Variants in RGSL1 observed in about 807,000 individuals in gnomAD.
The protein encoded by RGSL1 is regulator of G protein signaling like 1, also known as regulator of G protein signaling protein-like.
A neutral mutation model predicts 124.7 loss-of-function variants in RGSL1; 97 were observed. The observed-to-expected ratio is 0.78, with a 90% CI of 0.66 to 0.92. The LOEUF (loss-of-function observed/expected upper bound fraction) is 0.92. Ranked by LOEUF, RGSL1 falls within the 40% of genes least tolerant of loss-of-function variation. RGSL1 has a pLI of 0.00. For synonymous variants in RGSL1, 424 were observed against 438.1 expected, an observed-to-expected ratio of 0.97 and a Z score of 0.40; for missense variants, 1,233 against 1,288.4, an observed-to-expected ratio of 0.96 and a Z score of 0.66.
intron 18 of RGSL1, among the ~76,000 whole-genome samples, chr1:182,551,635 A>G (rs1278209423): frequency 2.0e-5 from 3 of 152,242 alleles, no homozygotes; most frequent in Non-Finnish European, 4.4e-5. Flanking sequence ...TTATACATAT[A>G]TAATTTTTAT....
At chr1:182,557,397 A>G (rs74128954) in intron 21 of RGSL1, among the ~76,000 whole-genome samples, 157 of 152,356 alleles carry the variant, frequency 1.0e-3, no homozygotes, top group African/African-American at 3.4e-3. Flanking sequence ...GGTAACAGGG[A>G]AGCATTTCAT....
At chr1:182,463,532 T>G (rs1653026053) in intron 4 of RGSL1, among the ~76,000 whole-genome samples, 1 of 152,090 alleles carries the variant, frequency 6.6e-6, no homozygotes, top group Non-Finnish European at 1.5e-5. Flanking sequence ...AAAATAGACT[T>G]TATTTAATTT....
chr1:182,459,651 G>A (rs1394408856), intron 3 of RGSL1, among the ~76,000 whole-genome samples: 2 of 152,210 alleles, frequency 1.3e-5, no homozygotes, highest in Non-Finnish European at 2.9e-5. Flanking sequence ...GTTGAATAGA[G>A]TTATGATCTG....
intron 3 of RGSL1, 96 bp from the exon 4 acceptor site, chr1:182,459,908 C>A (rs945350049): frequency 7.1e-7 from 1 of 1,412,198 alleles, no homozygotes; most frequent in Non-Finnish European, 9.5e-7. Context: ...CCAGACACTG[C>A]AAGTGTGAGG....
chr1:182,484,073 G>A (rs1486639949), intron 6 of RGSL1, among the ~76,000 whole-genome samples: 1 of 152,112 alleles, frequency 6.6e-6, no homozygotes, highest in Non-Finnish European at 1.5e-5. Context: ...GAAGCCAGGC[G>A]CAGTGGCACC....
In RGSL1 at chr1:182,453,992, A is replaced by G. The variant is rs1324772871; in HGVS notation, c.48A>G (p.Leu16=). The part of the protein sequence containing the change: ...IIGSTNLIIL[L]EDEVFADFFN... ...GTTCTACAAATCTTATAATTCTGCT[A>G]GAGGATGAAGTCTTTGCCGATTTTT... is the stretch of plus-strand genomic sequence containing the variant. The change falls in exon 2 of 22, where the codon CTA becomes CTG. Residue 16 remains leucine (L), a synonymous_variant. Coordinates refer to ENST00000294854, the MANE Select transcript of RGSL1 (RefSeq NM_001137669.2). The G allele has an allele frequency of 1.3e-6, 2 of 1,535,146 alleles. No homozygotes were observed. The highest frequency in any genetic ancestry group is 1.8e-6 in the Non-Finnish European group (2 of 1,132,050).
intron 4 of RGSL1, 92 bp from the exon 5 acceptor site, chr1:182,472,304 C>A: frequency 8.5e-7 from 1 of 1,178,346 alleles, no homozygotes; most frequent in Non-Finnish European, 1.2e-6. Flanking sequence ...GTGGAACAGG[C>A]TGGTGGGGGA....
chr1:182,513,244 T>C (rs1440437091), intron 9 of RGSL1, among the ~76,000 whole-genome samples: 1 of 152,232 alleles, frequency 6.6e-6, no homozygotes, highest in East Asian at 1.9e-4. Flanking sequence ...ACAGGGGGCA[T>C]TGTTTTGGGG....
Position 182,532,695 on chromosome 1 carries a change from A to G in RGSL1, c.2398A>G (p.Arg800Gly). ...CTGGATGAGAATGATCAGCTTTATC[A>G]GGAGTTTTTGCAAGTACCGCAGATT... is the stretch of plus-strand genomic sequence containing the variant. ...KGWMRMISFIRSFCKYRRFML... is the reference protein window; with the variant it reads ...KGWMRMISFIGSFCKYRRFML... Residue 800 changes from arginine (R) to glycine (G), a missense_variant, in exon 14 of 22, where the codon AGG (arginine) becomes GGG (glycine). Coordinates refer to ENST00000294854, the MANE Select transcript of RGSL1 (RefSeq NM_001137669.2). 3 of 1,551,064 alleles carry G rather than the reference A, an allele frequency of 1.9e-6. No homozygotes were observed. Among genetic ancestry groups the G allele is most frequent in the Non-Finnish European group, 2.6e-6 (3 of 1,146,464 alleles).
At position 182,465,190 on chromosome 1, in the gene RGSL1, T is replaced by C. The variant is rs566408524; in HGVS notation, c.301+5057T>C. ...TTGTACACCAACAAATTTGGTAGCCTAGATGAGATAGAAGGATTCCTAGAA... is the reference window on the plus strand; with the variant it reads ...TTGTACACCAACAAATTTGGTAGCCCAGATGAGATAGAAGGATTCCTAGAA... On this transcript the variant is annotated intron_variant, in intron 4 of 21. Coordinates refer to ENST00000294854, the MANE Select transcript of RGSL1 (RefSeq NM_001137669.2). Among the ~76,000 whole-genome samples, 3 of 151,486 alleles carry C rather than the reference T, an allele frequency of 2.0e-5. No individual in the cohort carries two copies. The East Asian group carries it at 5.8e-4, about 29-fold the overall frequency.
chr1:182,485,711 T>C (rs1655047364), intron 6 of RGSL1, among the ~76,000 whole-genome samples: 2 of 152,196 alleles, frequency 1.3e-5, no homozygotes, highest in South Asian at 4.1e-4. Context: ...TCCTGCTCAG[T>C]CTATTGCAAG....
chr1:182,494,213 C>G (rs921287241), intron 9 of RGSL1, among the ~76,000 whole-genome samples: 4 of 152,334 alleles, frequency 2.6e-5, no homozygotes, highest in Middle Eastern at 3.4e-3. Flanking sequence ...CCAGTATCTG[C>G]TATGTAACAT....
chr1:182,535,322 T>C (rs2102283257), intron 14 of RGSL1, among the ~76,000 whole-genome samples: 1 of 152,334 alleles, frequency 6.6e-6, no homozygotes, highest in African/African-American at 2.4e-5. Context: ...TTGATTCCCA[T>C]TGGAACTTCC....
At chr1:182,551,905 T>G (rs1660586564) in intron 18 of RGSL1, among the ~76,000 whole-genome samples, 1 of 152,152 alleles carries the variant, frequency 6.6e-6, no homozygotes, top group South Asian at 2.1e-4. Flanking sequence ...GTGTCACAAT[T>G]GCAACAGCAT....
intron 6 of RGSL1, among the ~76,000 whole-genome samples, chr1:182,486,924 C>G (rs1171579097): frequency 6.6e-6 from 1 of 152,104 alleles, no homozygotes; most frequent in Non-Finnish European, 1.5e-5. Context: ...ATCCGCCTGC[C>G]TTGGCCTTCC....
At chr1:182,533,431 T>C (rs1264193682) in intron 14 of RGSL1, among the ~76,000 whole-genome samples, 2 of 124,414 alleles carry the variant, frequency 1.6e-5, no homozygotes, top group South Asian at 2.3e-4. Flanking sequence ...CATTCATTCA[T>C]TCATTTAACA....
At chr1:182,530,664 A>G in intron 12 of RGSL1, 126 bp from the exon 13 acceptor site, 8 of 1,098,754 alleles carry the variant, frequency 7.3e-6, no homozygotes, top group Non-Finnish European at 1.0e-5. Flanking sequence ...AGAATTTTTT[A>G]GTATTTTACT....
chr1:182,474,100 T>C lies in RGSL1; in HGVS notation c.989T>C (p.Met330Thr), dbSNP rs775954543. 3 of 1,551,900 alleles carry C rather than the reference T, an allele frequency of 1.9e-6. No homozygotes were observed. ...MENKAKSHLHMEAPFETKVST... is the reference protein window; with the variant it reads ...MENKAKSHLHTEAPFETKVST... ...AATAAAGCCAAGAGCCACCTCCACA[T>C]GGAAGCCCCCTTTGAGACAAAGGTC... The change falls in exon 6 of 22, where the codon ATG becomes ACG. Residue 330 changes from methionine to threonine, a missense_variant. Coordinates refer to ENST00000294854, the MANE Select transcript of RGSL1 (RefSeq NM_001137669.2).
chr1:182,474,338 C>T lies in RGSL1; in HGVS notation c.1227C>T (p.Phe409=), dbSNP rs932723850. 3.9e-6 allele frequency: 6 copies of T among 1,551,718 alleles called. No homozygotes were observed. The African/African-American group carries it at 4.1e-5, about 11-fold the overall frequency. ...LLDLWQDLQH[F]LSVLLNNKKN... ...ACCTCTGGCAGGACTTGCAGCATTT[C>T]CTCAGTGTCCTTCTGAATAACAAAA... Residue 409 remains phenylalanine, a synonymous_variant, in exon 6 of 22, where the codon TTC becomes TTT. Coordinates refer to ENST00000294854, the MANE Select transcript of RGSL1 (RefSeq NM_001137669.2).
Sources: allele counts gnomAD v4.1 joint callset (sites outside exome capture counted in the v4.1 genomes callset), GRCh38; gene constraint gnomAD v4.1.1; transcripts MANE v1.5; gene names NCBI Gene and HGNC (gene_info 2026-07-23, HGNC 2026-07-21).